CSMD1: variants seen among roughly 807,000 people sequenced by gnomAD.
CSMD1 encodes CUB and sushi domain-containing protein 1.
CSMD1 carries 213 observed loss-of-function variants against 417.5 expected under a neutral mutation model. That is an observed-to-expected ratio of 0.51 (90% CI 0.46 to 0.57). CSMD1 has a LOEUF of 0.57. Among genes scored for constraint, CSMD1 ranks in the 20% least tolerant of loss-of-function variants. The pLI is 0.00. For missense variants in CSMD1, 6,923 were observed against 4,529.7 expected, an observed-to-expected ratio of 1.53 and a Z score of -15.17; for synonymous variants, 2,862 against 1,736.8, an observed-to-expected ratio of 1.65 and a Z score of -16.11.
intron 1 of CSMD1, among the ~76,000 whole-genome samples, chr8:4,946,559 C>G (rs774715314): frequency 6.6e-6 from 1 of 152,134 alleles, no homozygotes; most frequent in East Asian, 1.9e-4. Context: ...ATGAAGGATT[C>G]TGACTCTGTA....
intron 2 of CSMD1, among the ~76,000 whole-genome samples, chr8:4,543,298 AT>A (rs1352090934): frequency 3.9e-5 from 6 of 152,096 alleles, no homozygotes; most frequent in African/African-American, 1.4e-4. Flanking sequence ...TCACCTGTTC[AT>A]CCCTCCCTTC....
chr8:3,640,606 G>A (rs61239962), intron 7 of CSMD1, among the ~76,000 whole-genome samples: 165 of 152,272 alleles, frequency 1.1e-3, no homozygotes, highest in African/African-American at 3.8e-3. Context: ...AAAATCAAAG[G>A]TGGTCTCTGA....
chr8:4,862,532 T>C (rs959576281), intron 1 of CSMD1, among the ~76,000 whole-genome samples: 1 of 151,676 alleles, frequency 6.6e-6, no homozygotes, highest in Non-Finnish European at 1.5e-5. Flanking sequence ...CGAAGAAGAG[T>C]AGTGGAGGTG....
At chr8:3,361,648 T>C (rs1809181512) in intron 20 of CSMD1, among the ~76,000 whole-genome samples, 1 of 40,120 alleles carries the variant, frequency 2.5e-5, no homozygotes, top group African/African-American at 9.0e-5. Context: ...CAAGATTCCA[T>C]CTCAAAAAAA....
At chr8:4,459,789 T>G (rs1156237398) in intron 2 of CSMD1, among the ~76,000 whole-genome samples, 1 of 152,210 alleles carries the variant, frequency 6.6e-6, no homozygotes, top group Non-Finnish European at 1.5e-5. Context: ...AATTAATTTT[T>G]GCTGTTTAAA....
chr8:3,210,796 A>C (rs1298929344), intron 30 of CSMD1, among the ~76,000 whole-genome samples: 1 of 151,668 alleles, frequency 6.6e-6, no homozygotes, highest in African/African-American at 2.4e-5. Flanking sequence ...TTCTATGGCT[A>C]AAGTTTTATC....
intron 25 of CSMD1, 80 bp from the exon 26 acceptor site, chr8:3,284,426 A>G (rs768017022): frequency 9.1e-7 from 1 of 1,099,010 alleles, no homozygotes; most frequent in Non-Finnish European, 1.3e-6. Context: ...AAGCAAGCTC[A>G]TTTCGCTTTC....
At chr8:3,834,675 C>T (rs1026936341) in intron 5 of CSMD1, among the ~76,000 whole-genome samples, 3 of 151,864 alleles carry the variant, frequency 2.0e-5, no homozygotes, top group South Asian at 2.1e-4. Context: ...TTTAGGGATC[C>T]ACAGAACGTG....
intron 1 of CSMD1, among the ~76,000 whole-genome samples, chr8:4,929,089 G>C (rs1485087486): frequency 1.3e-5 from 2 of 152,050 alleles, no homozygotes; most frequent in Non-Finnish European, 2.9e-5. Flanking sequence ...ACAAAAAAAG[G>C]CCTTTAGGAT....
chr8:4,052,380 A>G (rs562308751), intron 3 of CSMD1, among the ~76,000 whole-genome samples: 26 of 152,344 alleles, frequency 1.7e-4, no homozygotes, highest in African/African-American at 4.8e-4. Context: ...TTCATATAAT[A>G]TAATTGGCAA....
intron 68 of CSMD1, among the ~76,000 whole-genome samples, chr8:2,946,659 G>A (rs1197854418): frequency 6.6e-6 from 1 of 152,128 alleles, no homozygotes; most frequent in Non-Finnish European, 1.5e-5. Context: ...CATTTTGGTT[G>A]TATCTACATT....
chr8:4,638,364 C>T (rs1030158674), intron 1 of CSMD1, among the ~76,000 whole-genome samples: 1 of 152,140 alleles, frequency 6.6e-6, no homozygotes, highest in African/African-American at 2.4e-5. Flanking sequence ...AGTGATTGAT[C>T]GGTGCCTGTG....
intron 3 of CSMD1, among the ~76,000 whole-genome samples, chr8:4,102,812 C>G (rs1801373941): frequency 6.6e-6 from 1 of 152,146 alleles, no homozygotes; most frequent in Non-Finnish European, 1.5e-5. Context: ...CAGTTGTGTG[C>G]AGCCCGCATT....
chr8:3,163,457 G>C (rs1477048888), intron 37 of CSMD1, among the ~76,000 whole-genome samples: 1 of 151,474 alleles, frequency 6.6e-6, no homozygotes, highest in South Asian at 2.1e-4. Flanking sequence ...CTCAGGGGCA[G>C]TCCCATGCTA....
intron 59 of CSMD1, 42 bp from the exon 60 acceptor site, chr8:2,963,437 C>T (rs771153189): frequency 2.3e-5 from 37 of 1,595,164 alleles, no homozygotes; most frequent in Middle Eastern, 1.7e-4. Flanking sequence ...CCGGAGCTCC[C>T]GCTGCAGCGG....
intron 2 of CSMD1, among the ~76,000 whole-genome samples, chr8:4,453,336 G>T (rs1393470546): frequency 6.6e-6 from 1 of 152,064 alleles, no homozygotes; most frequent in Non-Finnish European, 1.5e-5. Context: ...CTCCCACTGG[G>T]AACCAACTGC....
chr8:4,909,217 G>T (rs989397529), intron 1 of CSMD1, among the ~76,000 whole-genome samples: 1 of 152,302 alleles, frequency 6.6e-6, no homozygotes, highest in South Asian at 2.1e-4. Context: ...CTGTGGTAGT[G>T]AGGGATGGTA....
intron 3 of CSMD1, among the ~76,000 whole-genome samples, chr8:4,090,049 G>C (rs911441805): frequency 3.3e-5 from 5 of 152,154 alleles, no homozygotes; most frequent in African/African-American, 1.2e-4. Flanking sequence ...ATTTATCATA[G>C]GACATGTAAA....
intron 12 of CSMD1, among the ~76,000 whole-genome samples, chr8:3,453,593 T>A (rs2117117273): frequency 6.6e-6 from 1 of 152,330 alleles, no homozygotes; most frequent in Non-Finnish European, 1.5e-5. Context: ...GAGGAGCAGG[T>A]TGTTCAGTTT....
Sources: allele counts gnomAD v4.1 joint callset (sites outside exome capture counted in the v4.1 genomes callset), GRCh38; gene constraint gnomAD v4.1.1; transcripts MANE v1.5; gene names NCBI Gene and HGNC (gene_info 2026-07-23, HGNC 2026-07-21).